Variants in SULF2 observed in about 807,000 individuals in gnomAD.
SULF2 encodes the protein sulfatase 2.
SULF2 carries 52 observed loss-of-function variants against 107.7 expected under a neutral mutation model. The observed-to-expected ratio is 0.48, with a 90% CI of 0.39 to 0.61. The LOEUF is 0.61. Among genes scored for constraint, SULF2 ranks in the 20% least tolerant of loss-of-function variants. The probability of loss-of-function intolerance (pLI) is 0.00; values close to 1 mark genes in which losing one functional copy is unlikely to be tolerated. For missense variants in SULF2, 993 were observed against 1,177.3 expected, an observed-to-expected ratio of 0.84 and a Z score of 2.29; for synonymous variants, 460 against 464.3, an observed-to-expected ratio of 0.99 and a Z score of 0.12.
chr20:47,744,235 T>A (rs1023881521), intron 2 of SULF2, among the ~76,000 whole-genome samples: 2 of 152,126 alleles, frequency 1.3e-5, no homozygotes, highest in Non-Finnish European at 2.9e-5. Flanking sequence ...CAGGCTGGAG[T>A]GCAGCGGCGC....
chr20:47,678,626 C>T lies in SULF2; in HGVS notation c.1193+50G>A, dbSNP rs142983601. On this transcript the variant is annotated intron_variant, in intron 8 of 20. Transcript: ENST00000688720. The surrounding 1 kb of genome is among the most constrained non-coding windows in gnomAD (Gnocchi z 4.5). Reference sequence around the variant, plus strand: ...CCCACAGGGTTTTGCTCTGAGTTCCCGCAGGTCAATGTCCCGGCCCCCTCA... The same window carrying T: ...CCCACAGGGTTTTGCTCTGAGTTCCTGCAGGTCAATGTCCCGGCCCCCTCA... 8.0e-4 allele frequency: 1,279 copies of T among 1,606,324 alleles called. 4 individuals are homozygous for T. The African/African-American group carries it at 0.015, about 19-fold the overall frequency.
intron 3 of SULF2, among the ~76,000 whole-genome samples, chr20:47,734,715 A>G (rs1241794336): frequency 6.6e-6 from 1 of 152,210 alleles, no homozygotes; most frequent in Non-Finnish European, 1.5e-5. Context: ...ACAGAGTGGC[A>G]TTCTAAATAT....
intron 5 of SULF2, among the ~76,000 whole-genome samples, chr20:47,687,131 C>G (rs2088032417): frequency 6.6e-6 from 1 of 152,208 alleles, no homozygotes; most frequent in South Asian, 2.1e-4. Context: ...AGAAGTTAGG[C>G]TGACATCGGC....
intron 3 of SULF2, among the ~76,000 whole-genome samples, chr20:47,704,113 G>C (rs6012249): frequency 0.72 from 109,490 of 151,966 alleles, 39,650 homozygotes; most frequent in East Asian, 0.8. Context: ...TTGGCCTGGA[G>C]ATTTGGGAGC....
intron 18 of SULF2, among the ~76,000 whole-genome samples, chr20:47,660,635 C>T (rs185752524): frequency 5.9e-4 from 90 of 151,790 alleles, no homozygotes; most frequent in African/African-American, 2.2e-3. Flanking sequence ...AGAGATGGGG[C>T]GACAGCTCTG....
chr20:47,757,458 G>A lies in SULF2; in HGVS notation c.-95C>T, dbSNP rs1268060198. 30 of 1,373,020 alleles carry A rather than the reference G, an allele frequency of 2.2e-5. No homozygotes were observed. The highest frequency in any genetic ancestry group is 2.5e-5 in the East Asian group (1 of 39,596). The allele number at this position is 1,373,020 out of a possible 1,614,324, so 85.1% of individuals were successfully genotyped here. Reference sequence around the variant, plus strand: ...TCTTTTCCCTCGTCCCTCTTCACTCGCAGATCTAGAGGAGGAGGAAGAATC... The same window carrying A: ...TCTTTTCCCTCGTCCCTCTTCACTCACAGATCTAGAGGAGGAGGAAGAATC... On this transcript the variant is annotated 5_prime_UTR_variant, in exon 2 of 21. Coordinates refer to ENST00000688720, the MANE Select transcript of SULF2 (RefSeq NM_001387048.1).
At chr20:47,746,356 C>G (rs373365471) in intron 2 of SULF2, among the ~76,000 whole-genome samples, 2 of 152,282 alleles carry the variant, frequency 1.3e-5, no homozygotes, top group East Asian at 3.9e-4. Context: ...GCTATGAGGT[C>G]GAGCCACAGG....
At chr20:47,746,140 C>G (rs546748416) in intron 2 of SULF2, among the ~76,000 whole-genome samples, 9 of 152,212 alleles carry the variant, frequency 5.9e-5, no homozygotes, top group Non-Finnish European at 8.8e-5. Context: ...CTTGCCAGCA[C>G]GTGCCTAGCC....
chr20:47,739,641 C>A (rs1021374605), intron 2 of SULF2, among the ~76,000 whole-genome samples: 1 of 152,208 alleles, frequency 6.6e-6, no homozygotes, highest in Non-Finnish European at 1.5e-5. Flanking sequence ...CTCTCCACAG[C>A]AGTTACTGTC....
chr20:47,660,520 C>T (rs2146376665), intron 18 of SULF2, among the ~76,000 whole-genome samples: 1 of 152,288 alleles, frequency 6.6e-6, no homozygotes, highest in Non-Finnish European at 1.5e-5. Context: ...CCCAAGGGAC[C>T]TTAAATACCA....
intron 4 of SULF2, among the ~76,000 whole-genome samples, chr20:47,698,667 T>C (rs1276625097): frequency 6.6e-6 from 1 of 152,130 alleles, no homozygotes; most frequent in Non-Finnish European, 1.5e-5. Context: ...ATATTTCCTC[T>C]TTGATTAAGC....
chr20:47,708,351 G>A (rs555597228), intron 3 of SULF2, among the ~76,000 whole-genome samples: 3 of 152,226 alleles, frequency 2.0e-5, no homozygotes, highest in East Asian at 1.9e-4. Context: ...TGGGGGCATC[G>A]CAGAACCCAA....
At position 47,785,332 on chromosome 20, in the gene SULF2, G is replaced by A. The variant is rs1430760982; in HGVS notation, c.-101+11C>T. 5 of 30,342 alleles carry A rather than the reference G, an allele frequency of 1.6e-4. No homozygotes were observed. Among genetic ancestry groups the A allele is most frequent in the South Asian group, 9.7e-4 (1 of 1,036 alleles). The allele number at this position is 30,342 out of a possible 1,614,324, so 1.9% of individuals were successfully genotyped here. A position where few individuals can be genotyped will look rare whatever the true frequency, so the allele number is the denominator to read the frequency against. ...CCCCAGCCACCCACCTGCCCCCCAC[G>A]CCCCACTCACCAGCGCGCACGGCCC... On this transcript the variant is annotated intron_variant, in intron 1 of 20. Transcript: ENST00000688720.
intron 18 of SULF2, 101 bp from the exon 19 acceptor site, chr20:47,659,831 C>A: frequency 1.2e-6 from 1 of 858,880 alleles, no homozygotes; most frequent in Non-Finnish European, 1.9e-6. Context: ...GTCACAATCC[C>A]ATGATGCTGA....
chr20:47,727,722 A>G (rs11905856), intron 3 of SULF2, among the ~76,000 whole-genome samples: 22,737 of 152,154 alleles, frequency 0.15, 1,984 homozygotes, highest in Middle Eastern at 0.27. Flanking sequence ...TATCACAGGC[A>G]CTGGGTGACT....
chr20:47,670,778 G>A (rs538645520), intron 11 of SULF2, among the ~76,000 whole-genome samples: 1 of 101,396 alleles, frequency 9.9e-6, no homozygotes, highest in African/African-American at 3.5e-5. Context: ...GCAAGATGAA[G>A]AGTTCATTTA....
Position 47,672,363 on chromosome 20 carries a change from TC to T in SULF2, c.1410del (p.Lys471SerfsTer2). 6.2e-7 allele frequency: 1 copy of T among 1,612,062 alleles called. No homozygotes were observed. ...QKWQCVEDATGKLKLHKCKGP... is the reference protein window; with the variant it reads ...QKWQCVEDATXKLKLHKCKGP... Reference sequence around the variant, plus strand: ...CCCTTGCACTTATGCAGCTTCAGCTTCCCCGTGGCGTCCTCCACACACTGCC... The same window carrying T: ...CCCTTGCACTTATGCAGCTTCAGCTTCCCGTGGCGTCCTCCACACACTGCC... On this transcript the variant is annotated frameshift_variant, in exon 11 of 21. Transcript: ENST00000688720. LOFTEE classifies it high-confidence loss of function.
intron 2 of SULF2, among the ~76,000 whole-genome samples, chr20:47,744,136 CTA>C (rs2089952574): frequency 6.6e-6 from 1 of 152,130 alleles, no homozygotes; most frequent in African/African-American, 2.4e-5. Context: ...GAGTCAAGGG[CTA>C]TCTCTGCTTT....
chr20:47,756,647 C>CAT (rs2146902941), intron 2 of SULF2, among the ~76,000 whole-genome samples: 1 of 136,020 alleles, frequency 7.4e-6, no homozygotes, highest in East Asian at 2.2e-4. Flanking sequence ...CATGTCTCAT[C>CAT]TTTTTTTTTT....
Sources: allele counts gnomAD v4.1 joint callset (sites outside exome capture counted in the v4.1 genomes callset), GRCh38; gene constraint gnomAD v4.1.1; non-coding constraint Gnocchi (gnomAD v3.1); transcripts MANE v1.5; gene names NCBI Gene and HGNC (gene_info 2026-07-23, HGNC 2026-07-21).